CAMK2B: variants seen among roughly 807,000 people sequenced by gnomAD.
CAMK2B encodes the protein calcium/calmodulin-dependent protein kinase type II subunit beta.
CAMK2B carries 27 observed loss-of-function variants against 93.7 expected under a neutral mutation model. The ratio of observed to expected loss-of-function variants is 0.29; its 90% confidence interval spans 0.21 to 0.40. The LOEUF (loss-of-function observed/expected upper bound fraction) is 0.40, where lower values mean the gene tolerates loss of function less well. CAMK2B is among the 10% of genes least tolerant of loss of function. CAMK2B has a pLI of 1.00. For missense variants in CAMK2B, 568 were observed against 895.8 expected (o/e 0.63, Z 4.67); for synonymous variants, 374 against 358.8 (o/e 1.04, Z -0.48).
At chr7:44,306,150 G>C (rs148260935) in intron 1 of CAMK2B, among the ~76,000 whole-genome samples, 56 of 151,826 alleles carry the variant, frequency 3.7e-4, no homozygotes, top group African/African-American at 1.3e-3. Flanking sequence ...GAGAGGGGGT[G>C]AGCACTCTTC....
Position 44,226,608 on chromosome 7 carries a change from C to G in CAMK2B, c.1505G>C (p.Arg502Thr). The change falls in exon 20 of 24, where the codon AGG becomes ACG. Residue 502 changes from arginine (R) to threonine (T), a missense_variant. Physicochemically the swap from Arg to Thr is moderately conservative, Grantham distance 71. Around this residue, in one of 4 missense-constraint regions of CAMK2B, gnomAD observed 308 missense variants for 292.1 expected, o/e 1.05. Transcript: ENST00000395749. The stretch of plus-strand genomic sequence containing the variant: ...CTCGGCTTCTGGGGTCCCTGAGCCC[C>G]TCCTCACAGAGTTCAGGATGTCAGA... ...RISDILNSVRRGSGTPEAEGP... is the reference protein window; with the variant it reads ...RISDILNSVRTGSGTPEAEGP... 1 of 1,525,968 alleles carries G rather than the reference C, an allele frequency of 6.6e-7. No homozygotes were observed. Among genetic ancestry groups the G allele is most frequent in the African/African-American group, 1.5e-5 (1 of 68,846 alleles). The allele number at this position is 1,525,968 out of a possible 1,614,324, so 94.5% of individuals were successfully genotyped here.
At chr7:44,244,982 G>A (rs780479131) in intron 6 of CAMK2B, 16 of 455,664 alleles carry the variant, frequency 3.5e-5, no homozygotes, top group Middle Eastern at 3.2e-4. Flanking sequence ...TTTTGCCAAC[G>A]TGAGTGGGTG....
At chr7:44,232,505 G>T (rs866809969) in intron 16 of CAMK2B, among the ~76,000 whole-genome samples, 1 of 152,276 alleles carries the variant, frequency 6.6e-6, no homozygotes, top group Middle Eastern at 3.4e-3. Flanking sequence ...CTCCTGAGAT[G>T]CAGGCCCTGC....
At chr7:44,290,903 G>A (rs1361664997) in intron 1 of CAMK2B, among the ~76,000 whole-genome samples, 2 of 152,180 alleles carry the variant, frequency 1.3e-5, no homozygotes, top group East Asian at 3.9e-4. Context: ...TGTTTGCTAT[G>A]GAGTAAACAA....
chr7:44,298,124 A>AAAAAC (rs200391652), intron 1 of CAMK2B, among the ~76,000 whole-genome samples: 13,472 of 152,190 alleles, frequency 0.089, 803 homozygotes, highest in Non-Finnish European at 0.12. Flanking sequence ...ACTCCATCTC[A>AAAAAC]AAAACAAAAC....
rs1421031736 is a variant in CAMK2B at position 44,224,704 on chromosome 7, AG to A, written c.1597+1811del. Among the ~76,000 whole-genome samples, 1 of 151,930 alleles carries A rather than the reference AG, an allele frequency of 6.6e-6. No homozygotes were observed. The highest frequency in any genetic ancestry group is 2.4e-5 in the African/African-American group (1 of 41,332). ...AGAGCCAGAGGTGGCTGCGGGAGGGAGGGCAGCTGCCCAGGGATCAGGCTGG... is the reference window on the plus strand; with the variant it reads ...AGAGCCAGAGGTGGCTGCGGGAGGGAGGCAGCTGCCCAGGGATCAGGCTGG... On this transcript the variant is annotated intron_variant, in intron 20 of 23. Transcript: ENST00000395749. The surrounding 1 kb of genome is among the most constrained non-coding windows in gnomAD (Gnocchi z 4.4).
intron 13 of CAMK2B, 135 bp from the exon 14 acceptor site, chr7:44,234,811 A>G (rs2096610660): frequency 1.1e-6 from 1 of 915,128 alleles, no homozygotes; most frequent in South Asian, 1.5e-5. Context: ...TGGTTCCAGC[A>G]CCCAGGCTGG....
Position 44,286,696 on chromosome 7 carries a change from G to T in CAMK2B, c.66-2471C>A, listed in dbSNP as rs1317186151. Among the ~76,000 whole-genome samples the T allele has an allele frequency of 6.6e-6, 1 of 152,218 alleles. No individual in the cohort carries two copies. Among genetic ancestry groups the T allele is most frequent in the East Asian group, 1.9e-4 (1 of 5,192 alleles). ...GGGTCAGGCAGCCCCTTTCTCCTCT[G>T]CAGAAGGCTCCAGAGCCGCCCCTGC... On this transcript the variant is annotated intron_variant, in intron 1 of 23. Transcript: ENST00000395749. This position sits in a 1 kb window ranked among gnomAD's most constrained non-coding sequence, Gnocchi z 4.0.
chr7:44,227,744 CAG>C lies in CAMK2B; in HGVS notation c.1468+1050_1468+1051del, dbSNP rs1213869447. On this transcript the variant is annotated intron_variant, in intron 19 of 23. Coordinates refer to ENST00000395749, the MANE Select transcript of CAMK2B (RefSeq NM_001220.5). ...GGGGGACAGAGGGGTATATGGGGGA[CAG>C]AGGAGGGTGTGGGGGACAGAGGGAG... Among the ~76,000 whole-genome samples, 5 of 16,338 alleles carry C rather than the reference CAG, an allele frequency of 3.1e-4. No homozygotes were observed. The East Asian group carries it at 4.8e-3, about 16-fold the overall frequency. 10.7% of individuals were successfully genotyped at this position (16,338 alleles called of 152,430 possible).
chr7:44,273,529 G>GC (rs35072306), intron 2 of CAMK2B, among the ~76,000 whole-genome samples: 31,683 of 151,314 alleles, frequency 0.21, 4,095 homozygotes, highest in Middle Eastern at 0.31. Flanking sequence ...ATCCCTCCCA[G>GC]CCCTGGTGCG....
At chr7:44,323,608 G>A (rs1197765841) in intron 1 of CAMK2B, among the ~76,000 whole-genome samples, 3 of 152,230 alleles carry the variant, frequency 2.0e-5, no homozygotes, top group African/African-American at 7.2e-5. Context: ...AACAGCCAGA[G>A]TGAGCTGCAG....
At chr7:44,239,266 T>C (rs2096653584) in intron 13 of CAMK2B, among the ~76,000 whole-genome samples, 1 of 4,412 alleles carries the variant, frequency 2.3e-4, no homozygotes, top group Non-Finnish European at 4.1e-4. Context: ...GCAGGCCCAG[T>C]GGCTCCCTGT....
rs1407066025 is a variant in CAMK2B at position 44,228,896 on chromosome 7, A to C, written c.1368T>G (p.Ser456=). The change falls in exon 19 of 24, where the codon TCT becomes TCG. Residue 456 remains serine, a synonymous_variant. Transcript: ENST00000395749. ...CTGGGGTTCCTGAACCCCTTCTCAC[A>C]GAGTTCAGGATGTCAGAGATCCTGG... ...PSPRISDILN[S]VRRGSGTPEA... is the part of the protein sequence containing the mutation. 6.3e-7 allele frequency: 1 copy of C among 1,596,540 alleles called. No individual in the cohort carries two copies. Among genetic ancestry groups the C allele is most frequent in the Non-Finnish European group, 8.5e-7 (1 of 1,169,978 alleles).
intron 7 of CAMK2B, 34 bp from the exon 8 acceptor site, chr7:44,243,367 C>G (rs1037645627): frequency 2.7e-5 from 43 of 1,611,202 alleles, no homozygotes; most frequent in Non-Finnish European, 3.4e-5. Flanking sequence ...AAGGGGCTGT[C>G]AGCATCACCT....
rs1003493286 is a variant in CAMK2B at position 44,225,818 on chromosome 7, T to C, written c.1597+698A>G. 1.3e-5 allele frequency: 17 copies of C among 1,288,898 alleles called. No individual in the cohort carries two copies. Among genetic ancestry groups the C allele is most frequent in the Non-Finnish European group, 1.6e-5 (16 of 988,598 alleles). The allele number at this position is 1,288,898 out of a possible 1,614,324, so 79.8% of individuals were successfully genotyped here. Reference sequence around the variant, plus strand: ...GGCCCAGCAGCCTCTTCTCTAAGAGTATCTCCACACCACCCCCAGTCTGGT... The same window carrying C: ...GGCCCAGCAGCCTCTTCTCTAAGAGCATCTCCACACCACCCCCAGTCTGGT... On this transcript the variant is annotated intron_variant, in intron 20 of 23. Transcript: ENST00000395749. The surrounding 1 kb of genome is among the most constrained non-coding windows in gnomAD (Gnocchi z 5.0).
intron 3 of CAMK2B, among the ~76,000 whole-genome samples, chr7:44,260,209 C>T (rs1365806361): frequency 2.7e-5 from 4 of 148,620 alleles, no homozygotes; most frequent in African/African-American, 4.9e-5. Context: ...AAGCAGCCCC[C>T]CTTCCTTGCA....
At chr7:44,231,880 C>T (rs2096582818) in intron 16 of CAMK2B, among the ~76,000 whole-genome samples, 1 of 152,244 alleles carries the variant, frequency 6.6e-6, no homozygotes, top group Non-Finnish European at 1.5e-5. Flanking sequence ...TGGGGGACCG[C>T]CCCCTGGTCT....
At chr7:44,296,229 C>T (rs78491489) in intron 1 of CAMK2B, among the ~76,000 whole-genome samples, 13,522 of 152,072 alleles carry the variant, frequency 0.089, 811 homozygotes, top group Non-Finnish European at 0.12. Flanking sequence ...GGACAACATA[C>T]AAGAACAGGC....
intron 6 of CAMK2B, 23 bp downstream of exon 6, chr7:44,247,097 C>T (rs1404481329): frequency 6.3e-7 from 1 of 1,597,938 alleles, no homozygotes; most frequent in Non-Finnish European, 8.6e-7. Flanking sequence ...AGACACCTGG[C>T]ACAGAGTGGG....
Sources: gnomAD v4.1 joint callset for allele counts (sites outside exome capture counted in the v4.1 genomes callset) on GRCh38, gnomAD v4.1.1 for gene constraint, gnomAD v4.1.1 regional missense constraint, Gnocchi (gnomAD v3.1) non-coding constraint, MANE v1.5 for transcripts, NCBI Gene and HGNC (gene_info 2026-07-23, HGNC 2026-07-21) for gene names.